The following HERC1 variants were observed in gnomAD, a reference collection of about 807,000 sequenced individuals.
The protein encoded by HERC1 is probable E3 ubiquitin-protein ligase HERC1.
Under a neutral mutation model 554.3 loss-of-function variants are expected in HERC1, and 160 were observed. That is an observed-to-expected ratio of 0.29 (90% CI 0.25 to 0.33). The LOEUF is 0.33. Among genes scored for constraint, HERC1 ranks in the 10% least tolerant of loss-of-function variants. The pLI, the probability that HERC1 is intolerant of heterozygous loss-of-function variation, is 1.00. For missense variants in HERC1, 4,919 were observed against 5,918.5 expected (o/e 0.83, Z 5.54); for synonymous variants, 2,175 against 2,131.7 (o/e 1.02, Z -0.56).
intron 1 of HERC1, chr15:63,780,337 A>C (rs973509140): frequency 6.6e-6 from 1 of 152,178 alleles, no homozygotes; most frequent in Non-Finnish European, 1.5e-5. Context: ...ATTTTCCAAA[A>C]TTATACAAAG....
intron 25 of HERC1, among the ~76,000 whole-genome samples, chr15:63,704,812 C>T (rs1341188724): frequency 1.4e-5 from 2 of 146,476 alleles, no homozygotes; most frequent in Middle Eastern, 3.6e-3. Context: ...GATCTCGGCT[C>T]ACTGCAAGCT....
intron 1 of HERC1, among the ~76,000 whole-genome samples, chr15:63,811,088 T>G (rs1228481744): frequency 6.6e-6 from 1 of 152,072 alleles, no homozygotes; most frequent in Non-Finnish European, 1.5e-5. Flanking sequence ...AAGCAATATA[T>G]GAATGTGATT....
intron 73 of HERC1, among the ~76,000 whole-genome samples, 194 bp from the exon 74 acceptor site, chr15:63,623,085 TTC>T (rs1226774927): frequency 6.6e-6 from 1 of 152,226 alleles, no homozygotes; most frequent in Non-Finnish European, 1.5e-5. Context: ...ATGGAAAGCA[TTC>T]ATGTATGAAG....
intron 1 of HERC1, chr15:63,780,013 A>AAG (rs915703174): frequency 9.6e-4 from 11 of 11,492 alleles, no homozygotes; most frequent in African/African-American, 5.9e-3. Flanking sequence ...ACTCCATCTC[A>AAG]AAAAAAAAAA....
intron 48 of HERC1, among the ~76,000 whole-genome samples, chr15:63,657,783 C>T (rs1183965234): frequency 6.6e-6 from 1 of 152,058 alleles, no homozygotes; most frequent in African/African-American, 2.4e-5. Context: ...GATCTAATAG[C>T]CACTTTATAA....
At chr15:63,623,646 T>C (rs2068181487) in intron 73 of HERC1, 79 bp downstream of exon 73, 5 of 1,337,714 alleles carry the variant, frequency 3.7e-6, no homozygotes, top group Non-Finnish European at 5.3e-6. Context: ...AAAACATGCC[T>C]GGCAGAGTGA....
At position 63,747,819 on chromosome 15, in the gene HERC1, A is replaced by T. The variant is rs1464367663; in HGVS notation, c.2259T>A (p.Leu753=). ...VAWHRPYCVD[L]EESTFSHLRS... is the part of the protein sequence containing the mutation. ...GCAGGTGTGAGAAGGTACTCTCTTC[A>T]AGATCTACACAATAAGGTCGGTGCC... Residue 753 remains leucine (L), a synonymous_variant, in exon 11 of 78, where the codon CTT becomes CTA. Transcript: ENST00000443617. The T allele has an allele frequency of 6.9e-7, 1 of 1,450,948 alleles. No individual in the cohort carries two copies. Among genetic ancestry groups the T allele is most frequent in the Non-Finnish European group, 9.1e-7 (1 of 1,093,944 alleles). The allele number at this position is 1,450,948 out of a possible 1,614,324, so 89.9% of individuals were successfully genotyped here.
Position 63,734,621 on chromosome 15 carries a change from A to T in HERC1, c.2646+103T>A. On this transcript the variant is annotated intron_variant, in intron 13 of 77. Transcript: ENST00000443617. The surrounding 1 kb of genome is among the most constrained non-coding windows in gnomAD (Gnocchi z 4.6). ...AGCACAACACATTAACCCATCAAGT[A>T]CTTATGCTCCAAGAACACATGGCAA... 1.1e-6 allele frequency: 1 copy of T among 946,880 alleles called. No homozygotes were observed. The highest frequency in any genetic ancestry group is 1.5e-6 in the Non-Finnish European group (1 of 651,226). The allele number at this position is 946,880 out of a possible 1,614,324, so 58.7% of individuals were successfully genotyped here. A position where few individuals can be genotyped will look rare whatever the true frequency, so the allele number is the denominator to read the frequency against.
intron 59 of HERC1, among the ~76,000 whole-genome samples, chr15:63,642,356 G>A (rs1478807689): frequency 6.6e-6 from 1 of 151,088 alleles, no homozygotes; most frequent in Non-Finnish European, 1.5e-5. Context: ...TTTTTCCTTT[G>A]GGATGGGCTC....
At chr15:63,712,181 A>C (rs1168228313) in intron 24 of HERC1, among the ~76,000 whole-genome samples, 1 of 152,168 alleles carries the variant, frequency 6.6e-6, no homozygotes, top group Non-Finnish European at 1.5e-5. Context: ...TAGTCTTGTG[A>C]AATGTGGAAG....
At chr15:63,814,222 G>T (rs1379957749) in intron 1 of HERC1, among the ~76,000 whole-genome samples, 5 of 152,102 alleles carry the variant, frequency 3.3e-5, no homozygotes, top group Admixed American at 3.3e-4. Flanking sequence ...TGTGTGGTGG[G>T]ATTACAGATG....
rs778669398 is a variant in HERC1, at chr15:63,651,234, G to T, written c.10546+19C>A. On this transcript the variant is annotated intron_variant, in intron 53 of 77. Transcript: ENST00000443617. Reference sequence around the variant, plus strand: ...AAAAACTACTTTCAGCAGTTTACTAGTGTTTACATGACTCTTACCATTAAC... The same window carrying T: ...AAAAACTACTTTCAGCAGTTTACTATTGTTTACATGACTCTTACCATTAAC... The T allele has an allele frequency of 1.9e-6, 3 of 1,612,512 alleles. No individual in the cohort carries two copies. The highest frequency in any genetic ancestry group is 3.3e-5 in the Admixed American group (2 of 59,866).
At chr15:63,833,749 G>GCACACACACACACACACACACACA (rs1206350552) in intron 1 of HERC1, 78 bp downstream of exon 1, 2 of 28,460 alleles carry the variant, frequency 7.0e-5, no homozygotes, top group African/African-American at 2.6e-4. Context: ...ACACACGCGC[G>GCACACACACACACACACACACACA]CGCGCACACA....
intron 1 of HERC1, among the ~76,000 whole-genome samples, chr15:63,809,940 G>C (rs1209393388): frequency 1.3e-5 from 2 of 152,056 alleles, no homozygotes; most frequent in Non-Finnish European, 2.9e-5. Flanking sequence ...GCCTCCCAAA[G>C]TGCTGTGATT....
At chr15:63,754,669 C>T in intron 6 of HERC1, 21 bp from the exon 7 acceptor site, 2 of 1,602,790 alleles carry the variant, frequency 1.2e-6, no homozygotes, top group South Asian at 1.1e-5. Context: ...ACACACACAA[C>T]AACAAAGAAA....
intron 77 of HERC1, among the ~76,000 whole-genome samples, chr15:63,610,432 C>G (rs776785781): frequency 6.6e-6 from 1 of 152,194 alleles, no homozygotes; most frequent in African/African-American, 2.4e-5. Flanking sequence ...ACCCTGAGAC[C>G]GGAGATTAGT....
intron 55 of HERC1, among the ~76,000 whole-genome samples, chr15:63,646,402 T>C (rs964646595): frequency 1.3e-5 from 2 of 151,918 alleles, no homozygotes; most frequent in African/African-American, 2.4e-5. Flanking sequence ...TGTATATCCA[T>C]GGTCCAAAGA....
At chr15:63,770,683 G>C (rs555816617) in intron 2 of HERC1, among the ~76,000 whole-genome samples, 1 of 152,184 alleles carries the variant, frequency 6.6e-6, no homozygotes, top group Non-Finnish European at 1.5e-5. Flanking sequence ...ACAATTTACC[G>C]ATTGAACTTA....
intron 38 of HERC1, among the ~76,000 whole-genome samples, 158 bp downstream of exon 38, chr15:63,674,179 TAAAAA>T (rs1338089598): frequency 6.6e-6 from 1 of 150,416 alleles, no homozygotes; most frequent in Non-Finnish European, 1.5e-5. Context: ...AGAAAAATAA[TAAAAA>T]AGAACTGTTT....
Sources: allele counts gnomAD v4.1 joint callset (sites outside exome capture counted in the v4.1 genomes callset), GRCh38; gene constraint gnomAD v4.1.1; non-coding constraint Gnocchi (gnomAD v3.1); transcripts MANE v1.5; gene names NCBI Gene and HGNC (gene_info 2026-07-23, HGNC 2026-07-21).